RBMS3: variants seen among roughly 807,000 people sequenced by gnomAD.
RBMS3 encodes the protein RNA binding motif single stranded interacting protein 3, also known as RNA-binding motif, single-stranded-interacting protein 3.
RBMS3 carries 27 observed loss-of-function variants against 66.8 expected under a neutral mutation model. The observed-to-expected ratio is 0.40, with a 90% CI of 0.30 to 0.56. RBMS3 has a LOEUF of 0.56. Ranked by LOEUF, RBMS3 falls within the 20% of genes least tolerant of loss-of-function variation. The pLI, the probability that RBMS3 is intolerant of heterozygous loss-of-function variation, is 0.40. For missense variants in RBMS3, 513 were observed against 549.5 expected (o/e 0.93, Z 0.66); for synonymous variants, 188 against 183.0 (o/e 1.03, Z -0.22).
chr3:29,436,918 T>C (rs2041424800), intron 2 of RBMS3, among the ~76,000 whole-genome samples: 1 of 152,270 alleles, frequency 6.6e-6, no homozygotes, highest in Non-Finnish European at 1.5e-5. Flanking sequence ...AAAGTTTCAC[T>C]AATTGATGAG....
chr3:29,538,432 A>T (rs2045648927), intron 3 of RBMS3, among the ~76,000 whole-genome samples: 1 of 152,202 alleles, frequency 6.6e-6, no homozygotes, highest in Non-Finnish European at 1.5e-5. Flanking sequence ...GTTTCCTGGC[A>T]ACCCAAACAA....
intron 1 of RBMS3, among the ~76,000 whole-genome samples, chr3:29,336,962 G>A (rs1467448735): frequency 6.6e-6 from 1 of 152,028 alleles, no homozygotes; most frequent in African/African-American, 2.4e-5. Flanking sequence ...GTCTTTTAAA[G>A]TATACAGTTT....
chr3:29,571,638 T>G (rs1004286498), intron 3 of RBMS3, among the ~76,000 whole-genome samples: 2 of 152,174 alleles, frequency 1.3e-5, no homozygotes, highest in Non-Finnish European at 2.9e-5. Flanking sequence ...CCTATGTGTC[T>G]GTTTTTATGC....
intron 11 of RBMS3, among the ~76,000 whole-genome samples, chr3:29,938,945 A>T (rs973119335): frequency 6.6e-6 from 1 of 151,972 alleles, no homozygotes; most frequent in Non-Finnish European, 1.5e-5. Flanking sequence ...AGCATATCTT[A>T]TACAGTGTGA....
chr3:29,769,467 C>T (rs188268638), intron 6 of RBMS3, among the ~76,000 whole-genome samples: 7 of 151,966 alleles, frequency 4.6e-5, no homozygotes, highest in East Asian at 1.9e-4. Context: ...GATCTTTAGT[C>T]GAGCAGCTGG....
intron 3 of RBMS3, among the ~76,000 whole-genome samples, chr3:29,559,008 C>G (rs1333761210): frequency 1.3e-5 from 2 of 152,060 alleles, no homozygotes; most frequent in Non-Finnish European, 2.9e-5. Flanking sequence ...CACAATCACA[C>G]AATATTGCAT....
At chr3:29,529,362 G>A (rs1255713296) in intron 3 of RBMS3, among the ~76,000 whole-genome samples, 2 of 152,084 alleles carry the variant, frequency 1.3e-5, no homozygotes, top group African/African-American at 4.8e-5. Flanking sequence ...GGGGCAAAAA[G>A]GGATGGAGAG....
At chr3:29,466,047 T>C (rs913485292) in intron 2 of RBMS3, among the ~76,000 whole-genome samples, 2 of 152,028 alleles carry the variant, frequency 1.3e-5, no homozygotes, top group East Asian at 3.9e-4. Context: ...CACTCACTGC[T>C]TGTAGCTGTT....
intron 4 of RBMS3, among the ~76,000 whole-genome samples, chr3:29,622,921 C>T (rs1411648494): frequency 6.6e-6 from 1 of 152,042 alleles, no homozygotes; most frequent in East Asian, 1.9e-4. Flanking sequence ...TGGAGACCAT[C>T]GTGGCTAACA....
At chr3:29,903,113 A>T (rs2149613915) in intron 10 of RBMS3, 1 of 152,066 alleles carries the variant, frequency 6.6e-6, no homozygotes, top group African/African-American at 2.4e-5. Context: ...TTTCTAAGTA[A>T]TGTGCTTGTA....
At chr3:30,003,766 T>G in intron 14 of RBMS3, 90 bp from the exon 15 acceptor site, 1 of 929,698 alleles carries the variant, frequency 1.1e-6, no homozygotes, top group Non-Finnish European at 1.5e-6. Context: ...GCTTGGTATC[T>G]TTTAAAGCTG....
intron 12 of RBMS3, among the ~76,000 whole-genome samples, chr3:29,957,474 A>G (rs1696119349): frequency 6.6e-6 from 1 of 152,182 alleles, no homozygotes; most frequent in African/African-American, 2.4e-5. Context: ...GGAAATGTGA[A>G]TGAACAACTA....
At chr3:29,292,041 C>T (rs1286700601) in intron 1 of RBMS3, among the ~76,000 whole-genome samples, 1 of 151,716 alleles carries the variant, frequency 6.6e-6, no homozygotes, top group Non-Finnish European at 1.5e-5. Context: ...CCTGAAAATT[C>T]ACACCATCCC....
chr3:29,666,079 C>T (rs917313126), intron 4 of RBMS3, among the ~76,000 whole-genome samples: 4 of 152,100 alleles, frequency 2.6e-5, no homozygotes, highest in Admixed American at 6.6e-5. Flanking sequence ...TATAAGAGCC[C>T]GTGTGTACTG....
At chr3:29,361,677 A>G (rs997984785) in intron 1 of RBMS3, among the ~76,000 whole-genome samples, 1 of 152,202 alleles carries the variant, frequency 6.6e-6, no homozygotes, top group Non-Finnish European at 1.5e-5. Flanking sequence ...CGTCACTTTC[A>G]GGTACACCAA....
At chr3:29,815,623 T>C (rs1262747667) in intron 6 of RBMS3, among the ~76,000 whole-genome samples, 16 of 152,202 alleles carry the variant, frequency 1.1e-4, no homozygotes, top group Admixed American at 1.0e-3. Flanking sequence ...AATGAAATAA[T>C]GTCTTTTGCA....
At chr3:29,674,439 A>T (rs2051145602) in intron 4 of RBMS3, among the ~76,000 whole-genome samples, 1 of 152,152 alleles carries the variant, frequency 6.6e-6, no homozygotes, top group African/African-American at 2.4e-5. Context: ...AAGGGTATTC[A>T]GTTAGCGAAA....
chr3:29,600,144 T>C lies in RBMS3; in HGVS notation c.399+12939T>C, dbSNP rs140980641. On this transcript the variant is annotated intron_variant, in intron 4 of 14. Coordinates refer to ENST00000383767, the MANE Select transcript of RBMS3 (RefSeq NM_001003793.3). ...TGGTTTGACTTTTCTGAAAATTATT[T>C]TTAGTGTTTGAGCTGTTAATTTCCT... Among the ~76,000 whole-genome samples the C allele has an allele frequency of 2.3e-3, 343 of 152,202 alleles. 2 individuals carry two copies. The highest frequency in any genetic ancestry group is 8.0e-3 in the African/African-American group (333 of 41,552).
At chr3:29,388,773 C>G (rs1455565251) in intron 1 of RBMS3, among the ~76,000 whole-genome samples, 1 of 152,154 alleles carries the variant, frequency 6.6e-6, no homozygotes, top group African/African-American at 2.4e-5. Context: ...ACCATGTTAG[C>G]CAGGATGGTC....
Sources: gnomAD v4.1 joint callset for allele counts (sites outside exome capture counted in the v4.1 genomes callset) on GRCh38, gnomAD v4.1.1 for gene constraint, MANE v1.5 for transcripts, NCBI Gene and HGNC (gene_info 2026-07-23, HGNC 2026-07-21) for gene names.